Variants in ANAPC2 observed in about 807,000 individuals in gnomAD.
ANAPC2 encodes anaphase promoting complex subunit 2, also known as anaphase-promoting complex subunit 2.
A neutral mutation model predicts 84.3 loss-of-function variants in ANAPC2; 29 were observed. The observed-to-expected ratio is 0.34, with a 90% CI of 0.26 to 0.47. ANAPC2 has a LOEUF of 0.47. Ranked by LOEUF, ANAPC2 falls within the 20% of genes least tolerant of loss-of-function variation. The pLI is 1.00. For synonymous variants in ANAPC2, 571 were observed against 479.4 expected (o/e 1.19, Z -2.50); for missense variants, 857 against 1,131.7 (o/e 0.76, Z 3.48).
intron 5 of ANAPC2, 132 bp downstream of exon 5, chr9:137,183,540 T>C: frequency 7.3e-7 from 1 of 1,367,582 alleles, no homozygotes; most frequent in Non-Finnish European, 9.7e-7. Flanking sequence ...CCTCACCAAT[T>C]GCTTCTCAAC....
chr9:137,181,686 T>A lies in ANAPC2; in HGVS notation c.1463A>T (p.Asp488Val). The A allele has an allele frequency of 1.3e-6, 2 of 1,596,544 alleles. No individual in the cohort carries two copies. The highest frequency in any genetic ancestry group is 1.7e-6 in the Non-Finnish European group (2 of 1,169,630). Reference protein sequence around the residue: ...EDWVPDPVDADPGKSSSKRRS... With the variant: ...EDWVPDPVDAVPGKSSSKRRS... ...ACCATGTGGGGCAAGCTAACCTGGA[T>A]CGGCATCCACAGGGTCCGGGACCCA... The change falls in exon 7 of 13, where the codon GAT (aspartate) becomes GTT (valine). Residue 488 changes from aspartate to valine, a missense_variant. Around this residue, in one of 3 missense-constraint regions of ANAPC2, gnomAD observed 425 missense variants for 595.5 expected, o/e 0.71. Coordinates refer to ENST00000323927, the MANE Select transcript of ANAPC2 (RefSeq NM_013366.4).
intron 2 of ANAPC2, chr9:137,186,686 T>C: frequency 2.9e-6 from 1 of 340,752 alleles, no homozygotes; most frequent in South Asian, 7.1e-5. Context: ...GGATCAACTC[T>C]GAAACGACAA....
intron 10 of ANAPC2, 59 bp downstream of exon 10, chr9:137,180,122 G>A: frequency 1.0e-5 from 16 of 1,541,032 alleles, no homozygotes; most frequent in Non-Finnish European, 1.4e-5. Flanking sequence ...GCTGCTGGGA[G>A]CCCCGCAGTG....
At chr9:137,176,013 AC>A in intron 10 of ANAPC2, 176 bp from the exon 11 acceptor site, 2 of 714,468 alleles carry the variant, frequency 2.8e-6, no homozygotes, top group Non-Finnish European at 4.3e-6. Context: ...CTGCTCAGCC[AC>A]CATGGAAGGG....
intron 6 of ANAPC2, 125 bp from the exon 7 acceptor site, chr9:137,181,987 T>C (rs28665875): frequency 0.25 from 257,672 of 1,038,740 alleles, 33,941 homozygotes; most frequent in South Asian, 0.33. Context: ...TCAGTGGTGA[T>C]GGGCTATGTA....
intron 7 of ANAPC2, 24 bp from the exon 8 acceptor site, chr9:137,180,953 T>C (rs1180405660): frequency 6.2e-7 from 1 of 1,608,866 alleles, no homozygotes. Flanking sequence ...GGCAGGGGTG[T>C]CACCTGACAG....
chr9:137,184,343 C>G (rs1176378550), intron 4 of ANAPC2, among the ~76,000 whole-genome samples: 1 of 146,590 alleles, frequency 6.8e-6, no homozygotes, highest in Non-Finnish European at 1.5e-5. Context: ...CGACGAAGGC[C>G]CTGGGAGCCC....
At chr9:137,180,711 G>C in intron 8 of ANAPC2, 77 bp downstream of exon 8, 1 of 1,579,858 alleles carries the variant, frequency 6.3e-7, no homozygotes, top group South Asian at 1.1e-5. Flanking sequence ...CAGGCACGGC[G>C]TCAGGGCCCT....
At chr9:137,187,312 A>G in intron 2 of ANAPC2, 169 bp downstream of exon 2, 1 of 824,266 alleles carries the variant, frequency 1.2e-6, no homozygotes, top group Non-Finnish European at 1.8e-6. Flanking sequence ...GACAGAAGAG[A>G]GACACCTGTG....
At chr9:137,186,512 G>T in intron 2 of ANAPC2, 156 bp from the exon 3 acceptor site, 1 of 1,146,172 alleles carries the variant, frequency 8.7e-7, no homozygotes, top group Non-Finnish European at 1.2e-6. Context: ...TCAGCTGTGG[G>T]GGGCGGTTGT....
intron 4 of ANAPC2, 40 bp from the exon 5 acceptor site, chr9:137,183,831 G>A: frequency 6.2e-7 from 1 of 1,606,456 alleles, no homozygotes; most frequent in South Asian, 1.1e-5. Context: ...AGACATGGAT[G>A]CGTGCGCACG....
rs1215578812 is a variant in ANAPC2, at chr9:137,187,900, G to A, written c.321C>T (p.Cys107=). The part of the protein sequence containing the change: ...QCENSADEPQ[C]LLLLLDAFGL... Reference sequence around the variant, plus strand: ...CAAAAGCGTCAAGGAGTAGCAAAAGGCACTGGGGCTCATCCGCAGAGTTCT... The same window carrying A: ...CAAAAGCGTCAAGGAGTAGCAAAAGACACTGGGGCTCATCCGCAGAGTTCT... Residue 107 remains cysteine, a synonymous_variant, in exon 2 of 13, where the codon TGC becomes TGT. Transcript: ENST00000323927. 2.5e-6 allele frequency: 4 copies of A among 1,613,674 alleles called. No homozygotes were observed. The highest frequency in any genetic ancestry group is 3.4e-6 in the Non-Finnish European group (4 of 1,180,044).
intron 7 of ANAPC2, 42 bp downstream of exon 7, chr9:137,181,639 G>GC (rs767544340): frequency 1.2e-5 from 18 of 1,526,078 alleles, no homozygotes; most frequent in South Asian, 8.8e-5. Flanking sequence ...TGGCTGAAGC[G>GC]CCCCCCACAC....
intron 3 of ANAPC2, 108 bp downstream of exon 3, chr9:137,186,116 C>T: frequency 2.0e-6 from 3 of 1,493,350 alleles, no homozygotes; most frequent in South Asian, 1.3e-5. Flanking sequence ...CCGGTCTGGG[C>T]CCACCCAGGC....
chr9:137,176,318 A>C (rs1258124122), intron 10 of ANAPC2: 1 of 153,772 alleles, frequency 6.5e-6, no homozygotes, highest in Non-Finnish European at 1.4e-5. Context: ...GGTCTCTAAG[A>C]GGGTTCAGAG....
chr9:137,185,859 C>T (rs551504574), intron 3 of ANAPC2, among the ~76,000 whole-genome samples: 2 of 152,248 alleles, frequency 1.3e-5, no homozygotes, highest in South Asian at 2.1e-4. Context: ...CATTAGGGAC[C>T]GGCCAAGCGA....
chr9:137,175,501 C>A, intron 11 of ANAPC2, 29 bp from the exon 12 acceptor site: 1 of 1,526,158 alleles, frequency 6.6e-7, no homozygotes, highest in Non-Finnish European at 8.8e-7. Flanking sequence ...GGACGCTGGG[C>A]AGCCTGGGCA....
At position 137,181,841 on chromosome 9, in the gene ANAPC2, C is replaced by T. The variant is rs757359561; in HGVS notation, c.1308G>A (p.Arg436=). The part of the protein sequence containing the change: ...RYLRTREDTV[R]QIVAGLTGDS... ...CCCCCGTCAGCCCAGCCACAATCTG[C>T]CGCACTGTGTCCTCCCGCGTCCTGC... is the stretch of plus-strand genomic sequence containing the variant. Residue 436 remains arginine (R), a synonymous_variant, in exon 7 of 13, where the codon CGG becomes CGA. Transcript: ENST00000323927. 1.9e-6 allele frequency: 3 copies of T among 1,607,354 alleles called. No homozygotes were observed. The highest frequency in any genetic ancestry group is 2.5e-6 in the Non-Finnish European group (3 of 1,179,726).
intron 7 of ANAPC2, 144 bp downstream of exon 7, chr9:137,181,537 C>G: frequency 1.1e-6 from 1 of 932,628 alleles, no homozygotes; most frequent in African/African-American, 1.7e-5. Context: ...GGAGCACTGC[C>G]CTGACCTTTG....
Sources: gnomAD v4.1 joint callset for allele counts (sites outside exome capture counted in the v4.1 genomes callset) on GRCh38, gnomAD v4.1.1 for gene constraint, gnomAD v4.1.1 regional missense constraint, MANE v1.5 for transcripts, NCBI Gene and HGNC (gene_info 2026-07-23, HGNC 2026-07-21) for gene names.